The following PABPC4L variants were observed in gnomAD, a reference collection of about 807,000 sequenced individuals.
PABPC4L encodes the protein polyadenylate-binding protein 4-like.
For synonymous variants in PABPC4L, 169 were observed against 164.1 expected (o/e 1.03, Z -0.23); for missense variants, 452 against 451.4 (o/e 1.00, Z -0.01).
At chr4:134,149,301 C>A in the PABPC4L span, among the ~76,000 whole-genome samples, 2 of 152,108 alleles carry the variant, frequency 1.3e-5, no homozygotes, top group Admixed American at 1.3e-4. Flanking sequence ...ATAAAGGAAG[C>A]TGAACTCCAC....
the PABPC4L span, among the ~76,000 whole-genome samples, chr4:134,013,118 TTCTC>T: frequency 6.6e-6 from 1 of 151,912 alleles, no homozygotes; most frequent in South Asian, 2.1e-4. Flanking sequence ...CCCCAACCCC[TTCTC>T]TCTGTGTCTC....
chr4:133,954,122 T>C, the PABPC4L span, among the ~76,000 whole-genome samples: 1 of 152,224 alleles, frequency 6.6e-6, no homozygotes, highest in South Asian at 2.1e-4. Flanking sequence ...GTTCAGATAA[T>C]GATTTAAGGG....
the PABPC4L span, among the ~76,000 whole-genome samples, chr4:134,025,156 C>T: frequency 6.6e-6 from 1 of 150,844 alleles, no homozygotes; most frequent in African/African-American, 2.4e-5. Flanking sequence ...CATAGGGAAA[C>T]CCCGTCTCTA....
At chr4:134,030,854 T>A in the PABPC4L span, among the ~76,000 whole-genome samples, 1 of 152,054 alleles carries the variant, frequency 6.6e-6, no homozygotes, top group Non-Finnish European at 1.5e-5. Context: ...TAGTTATGAA[T>A]CCAAATGTGG....
At chr4:133,954,831 G>A in the PABPC4L span, among the ~76,000 whole-genome samples, 1 of 152,136 alleles carries the variant, frequency 6.6e-6, no homozygotes, top group Non-Finnish European at 1.5e-5. Flanking sequence ...AGTAATCAAA[G>A]AAGTACATAG....
At chr4:133,949,864 T>C in the PABPC4L span, among the ~76,000 whole-genome samples, 2 of 152,158 alleles carry the variant, frequency 1.3e-5, no homozygotes, top group Non-Finnish European at 2.9e-5. Context: ...TGGTCTTTAG[T>C]TTCCATAGTA....
chr4:134,083,864 T>C, the PABPC4L span, among the ~76,000 whole-genome samples: 2 of 152,018 alleles, frequency 1.3e-5, no homozygotes, highest in East Asian at 3.9e-4. Context: ...CACAGGTATA[T>C]GTGATACATT....
chr4:134,100,540 T>C, the PABPC4L span, among the ~76,000 whole-genome samples: 2 of 151,658 alleles, frequency 1.3e-5, no homozygotes, highest in Non-Finnish European at 3.0e-5. Flanking sequence ...AGTGCATGAA[T>C]ACAATAATGC....
the PABPC4L span, among the ~76,000 whole-genome samples, chr4:134,046,972 G>A: frequency 6.6e-6 from 1 of 152,130 alleles, no homozygotes; most frequent in African/African-American, 2.4e-5. Flanking sequence ...TGATCTCTCT[G>A]TCTTTTCCCT....
At chr4:133,988,384 T>C in the PABPC4L span, among the ~76,000 whole-genome samples, 1 of 152,138 alleles carries the variant, frequency 6.6e-6, no homozygotes, top group Non-Finnish European at 1.5e-5. Context: ...ACAATGAGGG[T>C]ACAGGTATTG....
chr4:134,029,983 G>A, the PABPC4L span, among the ~76,000 whole-genome samples: 1 of 151,828 alleles, frequency 6.6e-6, no homozygotes, highest in Admixed American at 6.6e-5. Flanking sequence ...TTCCCCTTTG[G>A]CTCAACTCTT....
At chr4:134,122,543 G>A in the PABPC4L span, among the ~76,000 whole-genome samples, 1 of 151,768 alleles carries the variant, frequency 6.6e-6, no homozygotes, top group Non-Finnish European at 1.5e-5. Flanking sequence ...ATCAAAAGAA[G>A]TAAGCATTTT....
the PABPC4L span, among the ~76,000 whole-genome samples, chr4:134,080,081 AAATAAT>A: frequency 3.3e-5 from 5 of 152,246 alleles, no homozygotes; most frequent in Admixed American, 1.3e-4. Flanking sequence ...ATATTGCTGG[AAATAAT>A]AATAGCTTCA....
chr4:134,132,374 C>T, the PABPC4L span, among the ~76,000 whole-genome samples: 1 of 151,764 alleles, frequency 6.6e-6, no homozygotes, highest in Admixed American at 6.6e-5. Context: ...AAGAACAAAA[C>T]AAACAATCTC....
chr4:134,050,885 T>C, the PABPC4L span, among the ~76,000 whole-genome samples: 1 of 99,780 alleles, frequency 1.0e-5, no homozygotes, highest in Non-Finnish European at 2.5e-5. Context: ...CCTTTATTTT[T>C]TTTTTTTTTT....
chr4:134,076,099 C>T, the PABPC4L span, among the ~76,000 whole-genome samples: 2 of 151,086 alleles, frequency 1.3e-5, no homozygotes, highest in Non-Finnish European at 2.9e-5. Flanking sequence ...ACCTGGATAC[C>T]TAATTTCAGG....
At chr4:134,163,921 A>G in the PABPC4L span, among the ~76,000 whole-genome samples, 1 of 152,216 alleles carries the variant, frequency 6.6e-6, no homozygotes, top group Middle Eastern at 3.4e-3. Context: ...CATCCCCACA[A>G]AGAACTGGAA....
At chr4:134,157,816 T>A in the PABPC4L span, among the ~76,000 whole-genome samples, 1 of 151,982 alleles carries the variant, frequency 6.6e-6, no homozygotes, top group South Asian at 2.1e-4. Flanking sequence ...TTTACATTTT[T>A]ATTCAATAAA....
chr4:134,068,717 T>C, the PABPC4L span, among the ~76,000 whole-genome samples: 1 of 147,898 alleles, frequency 6.8e-6, no homozygotes, highest in African/African-American at 2.5e-5. Context: ...AGATACATCT[T>C]TTTTTTTTTT....
Sources: gnomAD v4.1 joint callset for allele counts (sites outside exome capture counted in the v4.1 genomes callset) on GRCh38, gnomAD v4.1.1 for gene constraint, MANE v1.5 for transcripts, NCBI Gene and HGNC (gene_info 2026-07-23, HGNC 2026-07-21) for gene names.